Variants in CAMKMT observed in about 807,000 individuals in gnomAD.
CAMKMT encodes calmodulin-lysine N-methyltransferase, also known as CaM KMT.
In CAMKMT, 53 loss-of-function variants were observed where a neutral mutation model predicts 48.0. The observed-to-expected ratio is 1.10, with a 90% CI of 0.89 to 1.39. The LOEUF (loss-of-function observed/expected upper bound fraction) is 1.39, where lower values mean the gene tolerates loss of function less well. Ranked by LOEUF, CAMKMT falls within the 40% of genes most tolerant of loss-of-function variation. The probability of loss-of-function intolerance (pLI) is 0.00; values close to 1 mark genes in which losing one functional copy is unlikely to be tolerated. For missense variants in CAMKMT, 428 were observed against 402.7 expected (o/e 1.06, Z -0.54); for synonymous variants, 165 against 152.3 (o/e 1.08, Z -0.61).
intron 1 of CAMKMT, among the ~76,000 whole-genome samples, chr2:44,368,878 T>A (rs1678887133): frequency 6.6e-6 from 1 of 152,198 alleles, no homozygotes. Flanking sequence ...TGTATTATTA[T>A]TATTATTTTT....
chr2:44,635,644 C>T (rs1451878141), intron 3 of CAMKMT, among the ~76,000 whole-genome samples: 1 of 152,114 alleles, frequency 6.6e-6, no homozygotes, highest in East Asian at 1.9e-4. Flanking sequence ...CATAAAGATT[C>T]TGAATATGAC....
intron 2 of CAMKMT, among the ~76,000 whole-genome samples, chr2:44,376,100 T>A (rs1431913341): frequency 6.6e-6 from 1 of 152,052 alleles, no homozygotes; most frequent in East Asian, 2.0e-4. Flanking sequence ...CTCCAGGTTC[T>A]ATTAAGGGGC....
intron 3 of CAMKMT, among the ~76,000 whole-genome samples, chr2:44,491,996 A>G (rs1311361651): frequency 6.6e-6 from 1 of 152,202 alleles, no homozygotes; most frequent in Non-Finnish European, 1.5e-5. Context: ...ACTTTTTGAA[A>G]TGTGAAGCAC....
intron 3 of CAMKMT, among the ~76,000 whole-genome samples, chr2:44,578,162 A>C (rs1341413799): frequency 6.6e-6 from 1 of 152,170 alleles, no homozygotes; most frequent in African/African-American, 2.4e-5. Context: ...CATTACCTAC[A>C]CGTTATATAA....
At chr2:44,538,664 G>A (rs1217493478) in intron 3 of CAMKMT, among the ~76,000 whole-genome samples, 1 of 151,988 alleles carries the variant, frequency 6.6e-6, no homozygotes, top group Non-Finnish European at 1.5e-5. Context: ...CTGCATATTG[G>A]CCACAATATA....
chr2:44,463,250 C>T lies in CAMKMT; in HGVS notation c.376+72945C>T, dbSNP rs556479698. On this transcript the variant is annotated intron_variant, in intron 3 of 10. Transcript: ENST00000378494. ...AATAGGAAGCCCTAGACCTTGTTTT[C>T]CCACAAAGACACTGACTTAACAATA... 1.4e-4 allele frequency among the ~76,000 whole-genome samples: 21 copies of T among 152,292 alleles called. No individual in the cohort carries two copies. In the South Asian group the frequency reaches 4.4e-3, roughly 32 times the overall value.
chr2:44,419,077 A>G (rs765127420), intron 3 of CAMKMT, among the ~76,000 whole-genome samples: 2 of 152,214 alleles, frequency 1.3e-5, no homozygotes, highest in Non-Finnish European at 2.9e-5. Flanking sequence ...AAGGAAATAT[A>G]TTTCAAGCTA....
intron 7 of CAMKMT, among the ~76,000 whole-genome samples, chr2:44,720,358 G>A (rs1014301814): frequency 1.1e-4 from 17 of 152,252 alleles, no homozygotes; most frequent in African/African-American, 4.1e-4. Context: ...TAGGCCAGGT[G>A]CTGTATTGAT....
intron 2 of CAMKMT, among the ~76,000 whole-genome samples, chr2:44,381,161 A>G (rs899987898): frequency 9.2e-5 from 14 of 152,184 alleles, no homozygotes; most frequent in Non-Finnish European, 1.6e-4. Flanking sequence ...CTCCATCTCA[A>G]AAAAGAAATA....
At chr2:44,510,497 A>G (rs1572680978) in intron 3 of CAMKMT, among the ~76,000 whole-genome samples, 1 of 152,198 alleles carries the variant, frequency 6.6e-6, no homozygotes, top group Non-Finnish European at 1.5e-5. Context: ...GGTGGATCCT[A>G]GGATCCTCCA....
At chr2:44,367,075 A>G (rs1370769007) in intron 1 of CAMKMT, among the ~76,000 whole-genome samples, 1 of 152,104 alleles carries the variant, frequency 6.6e-6, no homozygotes, top group Non-Finnish European at 1.5e-5. Flanking sequence ...CATGTAAAGG[A>G]TAAGGTTTTC....
chr2:44,772,163 A>T lies in CAMKMT; in HGVS notation c.*50A>T, dbSNP rs1681144067. The stretch of plus-strand genomic sequence containing the variant: ...GAAACGTATCAAGTGCATAGGGAAT[A>T]TTTTTACAAAAACGGAAATCTGTAA... On this transcript the variant is annotated 3_prime_UTR_variant, in exon 11 of 11. Transcript: ENST00000378494. 6.6e-7 allele frequency: 1 copy of T among 1,510,448 alleles called. No homozygotes were observed. The highest frequency in any genetic ancestry group is 1.4e-5 in the African/African-American group (1 of 72,106). The allele number at this position is 1,510,448 out of a possible 1,614,324, so 93.6% of individuals were successfully genotyped here.
chr2:44,708,161 T>C (rs985468953), intron 6 of CAMKMT, among the ~76,000 whole-genome samples: 8 of 149,896 alleles, frequency 5.3e-5, no homozygotes, highest in African/African-American at 2.0e-4. Flanking sequence ...CAGGGGCAGT[T>C]AACAGCTGTT....
chr2:44,630,142 C>G (rs574198472), intron 3 of CAMKMT, among the ~76,000 whole-genome samples: 7 of 151,674 alleles, frequency 4.6e-5, no homozygotes, highest in African/African-American at 1.5e-4. Flanking sequence ...ATAAGCAATG[C>G]GGAAAGGATT....
intron 3 of CAMKMT, among the ~76,000 whole-genome samples, chr2:44,536,929 A>C (rs1216693327): frequency 6.6e-6 from 1 of 152,190 alleles, no homozygotes; most frequent in Non-Finnish European, 1.5e-5. Flanking sequence ...TCTCCTCAAT[A>C]AATGGTACTG....
intron 3 of CAMKMT, among the ~76,000 whole-genome samples, chr2:44,661,927 C>G (rs536816098): frequency 7.2e-5 from 11 of 152,304 alleles, no homozygotes; most frequent in African/African-American, 2.6e-4. Flanking sequence ...TGTGAATCTC[C>G]TTTATATCAC....
intron 3 of CAMKMT, among the ~76,000 whole-genome samples, chr2:44,501,249 C>G (rs979811504): frequency 2.0e-5 from 3 of 151,862 alleles, no homozygotes; most frequent in Admixed American, 2.0e-4. Flanking sequence ...AAGACTAATT[C>G]AGTATTTTAT....
intron 3 of CAMKMT, among the ~76,000 whole-genome samples, chr2:44,623,960 G>C (rs1672337627): frequency 1.3e-5 from 2 of 152,000 alleles, no homozygotes; most frequent in Admixed American, 1.3e-4. Context: ...CATGTTGTTT[G>C]TTTTCTATTA....
At chr2:44,414,524 G>T (rs1256891875) in intron 3 of CAMKMT, among the ~76,000 whole-genome samples, 1 of 152,142 alleles carries the variant, frequency 6.6e-6, no homozygotes, top group African/African-American at 2.4e-5. Context: ...TCACAATATG[G>T]CAGCTTCCAC....
Sources: allele counts gnomAD v4.1 joint callset (sites outside exome capture counted in the v4.1 genomes callset), GRCh38; gene constraint gnomAD v4.1.1; transcripts MANE v1.5; gene names NCBI Gene and HGNC (gene_info 2026-07-23, HGNC 2026-07-21).